Variants in BANK1 observed in about 807,000 individuals in gnomAD.
BANK1 encodes B cell scaffold protein with ankyrin repeats 1, also known as B-cell scaffold protein with ankyrin repeats.
In BANK1, 95 loss-of-function variants were observed where a neutral mutation model predicts 94.5. The observed-to-expected ratio is 1.00, with a 90% CI of 0.85 to 1.19. The LOEUF (loss-of-function observed/expected upper bound fraction) is 1.19. Ranked by LOEUF, BANK1 falls within the 50% of genes most tolerant of loss-of-function variation. The probability of loss-of-function intolerance (pLI) is 0.00; values close to 1 mark genes in which losing one functional copy is unlikely to be tolerated. For synonymous variants in BANK1, 334 were observed against 308.4 expected, an observed-to-expected ratio of 1.08 and a Z score of -0.87; for missense variants, 987 against 932.2, an observed-to-expected ratio of 1.06 and a Z score of -0.77.
chr4:101,814,962 G>T (rs1407672165), intron 1 of BANK1, among the ~76,000 whole-genome samples: 1 of 152,112 alleles, frequency 6.6e-6, no homozygotes, highest in Non-Finnish European at 1.5e-5. Flanking sequence ...GACATGTATT[G>T]GGTATAGGGG....
Position 101,829,865 on chromosome 4 carries a change from A to G in BANK1, c.128A>G (p.Tyr43Cys). 4 of 1,610,354 alleles carry G rather than the reference A, an allele frequency of 2.5e-6. No homozygotes were observed. Among genetic ancestry groups the G allele is most frequent in the Non-Finnish European group, 3.4e-6 (4 of 1,177,288 alleles). Residue 43 changes from tyrosine to cysteine, a missense_variant, in exon 2 of 17, where the codon TAC becomes TGC. Tyr to Cys is a radical substitution (Grantham distance 194). Transcript: ENST00000322953. ...GAAGATGCTGAGGAATGGGCTCTGT[A>G]CTTGACAGAAGTATTTTTACATGTT... ...YEEDAEEWAL[Y>C]LTEVFLHVVK...
rs567679642 is a variant in BANK1 at position 102,022,721 on chromosome 4, C to T, written c.1285+1129C>T. ...TACACTTCATGAAAGGACTAAACAC[C>T]TTTCATGAAGGACTAAACACTCTTC... On this transcript the variant is annotated intron_variant, in intron 8 of 16. Coordinates refer to ENST00000322953, the MANE Select transcript of BANK1 (RefSeq NM_017935.5). 5.9e-5 allele frequency among the ~76,000 whole-genome samples: 9 copies of T among 152,196 alleles called. No homozygotes were observed. In the East Asian group the frequency reaches 1.7e-3, roughly 29 times the overall value.
intron 7 of BANK1, among the ~76,000 whole-genome samples, chr4:101,950,343 G>C (rs1205364630): frequency 6.6e-6 from 1 of 152,090 alleles, no homozygotes; most frequent in Non-Finnish European, 1.5e-5. Flanking sequence ...CGTTTGAAGA[G>C]TAAAGTAAGA....
chr4:102,031,483 T>G (rs1163920863), intron 10 of BANK1, among the ~76,000 whole-genome samples: 2 of 152,330 alleles, frequency 1.3e-5, no homozygotes, highest in African/African-American at 4.8e-5. Flanking sequence ...TTGTCATTGC[T>G]TTTGGTGTTT....
intron 6 of BANK1, among the ~76,000 whole-genome samples, chr4:101,900,818 C>G (rs1722258324): frequency 6.6e-6 from 1 of 152,050 alleles, no homozygotes; most frequent in African/African-American, 2.4e-5. Flanking sequence ...GTCAAACACC[C>G]AGGAAGGAGC....
rs552522196 is a variant in BANK1 at position 102,000,389 on chromosome 4, A to G, written c.1207-21125A>G. 3.9e-5 allele frequency among the ~76,000 whole-genome samples: 6 copies of G among 152,054 alleles called. No homozygotes were observed. In the East Asian group the frequency reaches 1.2e-3, roughly 29 times the overall value. ...TTAATAATTGTCACATAAGGAAGCAAATTGGGAATTGCAACAAATTGGGAC... is the reference window on the plus strand; with the variant it reads ...TTAATAATTGTCACATAAGGAAGCAGATTGGGAATTGCAACAAATTGGGAC... On this transcript the variant is annotated intron_variant, in intron 7 of 16. Coordinates refer to ENST00000322953, the MANE Select transcript of BANK1 (RefSeq NM_017935.5).
At chr4:101,859,550 A>G (rs1219621359) in intron 3 of BANK1, among the ~76,000 whole-genome samples, 2 of 152,186 alleles carry the variant, frequency 1.3e-5, no homozygotes, top group African/African-American at 4.8e-5. Context: ...AAAGATTGGG[A>G]GCAAAACAAT....
chr4:101,977,671 A>G (rs1237523763), intron 7 of BANK1, among the ~76,000 whole-genome samples: 1 of 152,144 alleles, frequency 6.6e-6, no homozygotes, highest in Non-Finnish European at 1.5e-5. Context: ...TTCTGACCTT[A>G]TATCAATAAG....
At chr4:101,843,802 A>G in intron 2 of BANK1, among the ~76,000 whole-genome samples, 1 of 152,122 alleles carries the variant, frequency 6.6e-6, no homozygotes, top group South Asian at 2.1e-4. Flanking sequence ...CGCACCTGTA[A>G]TGCCAGCTAC....
chr4:102,002,006 C>T (rs1462520012), intron 7 of BANK1, among the ~76,000 whole-genome samples: 1 of 152,236 alleles, frequency 6.6e-6, no homozygotes, highest in Non-Finnish European at 1.5e-5. Context: ...CTCTTCAGAG[C>T]AAGAAGACTG....
chr4:102,007,079 TAA>T (rs1277762539), intron 7 of BANK1, among the ~76,000 whole-genome samples: 13 of 68,046 alleles, frequency 1.9e-4, no homozygotes, highest in African/African-American at 3.5e-4. Context: ...TATATATATA[TAA>T]ATATATATAT....
At chr4:101,822,559 T>C (rs1339625795) in intron 1 of BANK1, among the ~76,000 whole-genome samples, 1 of 152,132 alleles carries the variant, frequency 6.6e-6, no homozygotes. Context: ...CAGCATTCTC[T>C]TCTTAAAGAA....
At position 101,944,231 on chromosome 4, in the gene BANK1, C is replaced by A. The variant is rs1040182680; in HGVS notation, c.1206+26042C>A. On this transcript the variant is annotated intron_variant, in intron 7 of 16. Transcript: ENST00000322953. Reference sequence around the variant, plus strand: ...AGCTATGTGAGGAGCATAAAACATGCAAAGTAACCAGGAAACTCACCATTT... The same window carrying A: ...AGCTATGTGAGGAGCATAAAACATGAAAAGTAACCAGGAAACTCACCATTT... Among the ~76,000 whole-genome samples, 3 of 151,786 alleles carry A rather than the reference C, an allele frequency of 2.0e-5. No homozygotes were observed. In the South Asian group the frequency reaches 6.2e-4, roughly 32 times the overall value.
chr4:101,984,101 A>G (rs1291107485), intron 7 of BANK1, among the ~76,000 whole-genome samples: 1 of 152,086 alleles, frequency 6.6e-6, no homozygotes, highest in Non-Finnish European at 1.5e-5. Context: ...AATTTCATTT[A>G]TATTACAAGA....
intron 7 of BANK1, among the ~76,000 whole-genome samples, chr4:102,000,876 A>G (rs1178278530): frequency 2.0e-5 from 3 of 152,192 alleles, no homozygotes; most frequent in Admixed American, 6.5e-5. Flanking sequence ...GCATCCCCTG[A>G]TGGTGTTGCT....
At chr4:101,886,066 T>C (rs1728844200) in intron 5 of BANK1, among the ~76,000 whole-genome samples, 1 of 152,224 alleles carries the variant, frequency 6.6e-6, no homozygotes, top group Non-Finnish European at 1.5e-5. Context: ...CTGTTGTATA[T>C]GAGGTCTGTC....
chr4:101,900,969 G>A (rs969135937), intron 6 of BANK1, among the ~76,000 whole-genome samples: 4 of 151,978 alleles, frequency 2.6e-5, no homozygotes, highest in African/African-American at 9.7e-5. Flanking sequence ...AGAAGAAGCA[G>A]CCACTCAAGG....
chr4:102,018,206 A>G (rs1726778043), intron 7 of BANK1, among the ~76,000 whole-genome samples: 1 of 152,138 alleles, frequency 6.6e-6, no homozygotes, highest in African/African-American at 2.4e-5. Flanking sequence ...TTTCTATTCA[A>G]ATATTATCTC....
At chr4:101,793,077 A>T (rs887029673) in intron 1 of BANK1, among the ~76,000 whole-genome samples, 20 of 152,250 alleles carry the variant, frequency 1.3e-4, no homozygotes, top group South Asian at 1.0e-3. Context: ...AGTTTTTTTT[A>T]AATTTTTATT....
Sources: gnomAD v4.1 joint callset for allele counts (sites outside exome capture counted in the v4.1 genomes callset) on GRCh38, gnomAD v4.1.1 for gene constraint, MANE v1.5 for transcripts, NCBI Gene and HGNC (gene_info 2026-07-23, HGNC 2026-07-21) for gene names.